Variants in FBXL17 observed in about 807,000 individuals in gnomAD.
FBXL17 encodes the protein F-box/LRR-repeat protein 17.
A neutral mutation model predicts 66.2 loss-of-function variants in FBXL17; 22 were observed. The observed-to-expected ratio is 0.33, with a 90% CI of 0.24 to 0.47. FBXL17 has a LOEUF of 0.47. Among genes scored for constraint, FBXL17 ranks in the 20% least tolerant of loss-of-function variants. The pLI is 1.00. For missense variants in FBXL17, 878 were observed against 948.2 expected, an observed-to-expected ratio of 0.93 and a Z score of 0.97; for synonymous variants, 474 against 400.5, an observed-to-expected ratio of 1.18 and a Z score of -2.19.
At chr5:108,345,172 A>C (rs779796824) in intron 4 of FBXL17, among the ~76,000 whole-genome samples, 2 of 149,740 alleles carry the variant, frequency 1.3e-5, no homozygotes, top group Middle Eastern at 3.2e-3. Flanking sequence ...ATCTCTACTA[A>C]AAATACAAAA....
At chr5:108,170,500 A>T (rs1317142037) in intron 6 of FBXL17, among the ~76,000 whole-genome samples, 2 of 152,154 alleles carry the variant, frequency 1.3e-5, no homozygotes, top group African/African-American at 4.8e-5. Flanking sequence ...CCATTATTAC[A>T]TATATACCAT....
chr5:108,274,241 C>G (rs1757392552), intron 4 of FBXL17, among the ~76,000 whole-genome samples: 1 of 152,188 alleles, frequency 6.6e-6, no homozygotes, highest in Non-Finnish European at 1.5e-5. Context: ...AGACTGGAGT[C>G]TATCTCACCT....
chr5:107,987,790 T>G (rs1277771601), intron 7 of FBXL17, among the ~76,000 whole-genome samples: 1 of 152,048 alleles, frequency 6.6e-6, no homozygotes, highest in African/African-American at 2.4e-5. Flanking sequence ...TTGAATACCC[T>G]TAGGATGGAG....
chr5:108,115,034 A>C (rs1750188425), intron 6 of FBXL17, among the ~76,000 whole-genome samples: 1 of 152,308 alleles, frequency 6.6e-6, no homozygotes, highest in Admixed American at 6.5e-5. Context: ...ATCCCCAAGC[A>C]ATTTTTTAAA....
chr5:107,865,174 A>T (rs1448244724), intron 8 of FBXL17, among the ~76,000 whole-genome samples: 3 of 152,248 alleles, frequency 2.0e-5, no homozygotes, highest in Non-Finnish European at 2.9e-5. Flanking sequence ...TCTATGGTAC[A>T]TCTTTTCCAA....
At chr5:108,037,331 T>G (rs1746885703) in intron 6 of FBXL17, among the ~76,000 whole-genome samples, 1 of 152,164 alleles carries the variant, frequency 6.6e-6, no homozygotes, top group Non-Finnish European at 1.5e-5. Flanking sequence ...TTACTTTCCA[T>G]GAAAATTTCC....
intron 7 of FBXL17, among the ~76,000 whole-genome samples, chr5:107,912,787 A>T (rs1271606403): frequency 3.9e-5 from 6 of 152,196 alleles, no homozygotes; most frequent in African/African-American, 1.4e-4. Context: ...CAATGTATTC[A>T]TATATTATCA....
At chr5:108,240,906 G>A (rs957383145) in intron 4 of FBXL17, among the ~76,000 whole-genome samples, 1 of 152,132 alleles carries the variant, frequency 6.6e-6, no homozygotes, top group Non-Finnish European at 1.5e-5. Flanking sequence ...ATTTGTTTGG[G>A]AGAAAGTTAA....
rs1197466938 is a variant in FBXL17 at position 108,074,308 on chromosome 5, AGAT to A, written c.1746-53310_1746-53308del. Reference sequence around the variant, plus strand: ...CTAAAATCTGATAAGAGATTTGAAAAGATTTTTTTTTTTTTTTTTTTAAGGAGC... The same window carrying A: ...CTAAAATCTGATAAGAGATTTGAAAATTTTTTTTTTTTTTTTTTAAGGAGC... On this transcript the variant is annotated intron_variant, in intron 6 of 8. Coordinates refer to ENST00000542267, the MANE Select transcript of FBXL17 (RefSeq NM_001163315.3). Among the ~76,000 whole-genome samples the A allele has an allele frequency of 6.6e-3, 822 of 124,108 alleles. 6 individuals carry two copies. Among genetic ancestry groups the A allele is most frequent in the African/African-American group, 0.021 (789 of 37,652 alleles). 81.4% of individuals were successfully genotyped at this position (124,108 alleles called of 152,430 possible).
intron 4 of FBXL17, among the ~76,000 whole-genome samples, chr5:108,347,061 A>C (rs190188320): frequency 6.6e-6 from 1 of 152,304 alleles, no homozygotes; most frequent in Admixed American, 6.5e-5. Context: ...AAATACAGAC[A>C]TGCATTGCTT....
intron 4 of FBXL17, among the ~76,000 whole-genome samples, chr5:108,248,383 T>C (rs1756201866): frequency 6.6e-6 from 1 of 151,920 alleles, no homozygotes. Flanking sequence ...AACCTGAAGA[T>C]AGAATAAAAA....
At chr5:107,988,523 G>C (rs1264802301) in intron 7 of FBXL17, among the ~76,000 whole-genome samples, 1 of 151,806 alleles carries the variant, frequency 6.6e-6, no homozygotes, top group Non-Finnish European at 1.5e-5. Flanking sequence ...TAGTATTTTT[G>C]CAAAGGACCA....
rs544705040 is a variant in FBXL17 at position 108,326,870 on chromosome 5, C to A, written c.1506+21529G>T. ...AAATGGAGTTCTCAAACATTGCTAGCAGGAGTAAAAAATGGCACAACCACC... is the reference window on the plus strand; with the variant it reads ...AAATGGAGTTCTCAAACATTGCTAGAAGGAGTAAAAAATGGCACAACCACC... On this transcript the variant is annotated intron_variant, in intron 4 of 8. Coordinates refer to ENST00000542267, the MANE Select transcript of FBXL17 (RefSeq NM_001163315.3). Among the ~76,000 whole-genome samples, 8 of 152,188 alleles carry A rather than the reference C, an allele frequency of 5.3e-5. No individual in the cohort carries two copies. The East Asian group carries it at 1.4e-3, about 26-fold the overall frequency.
At chr5:108,061,279 C>T (rs1468951816) in intron 6 of FBXL17, among the ~76,000 whole-genome samples, 1 of 151,238 alleles carries the variant, frequency 6.6e-6, no homozygotes, top group Non-Finnish European at 1.5e-5. Context: ...AAGAGCCAAA[C>T]CCCATACAAA....
intron 4 of FBXL17, among the ~76,000 whole-genome samples, chr5:108,331,372 T>C (rs773131540): frequency 1.3e-5 from 2 of 152,192 alleles, no homozygotes; most frequent in Admixed American, 6.5e-5. Context: ...AAATATTCTG[T>C]TTGGTTTGAT....
intron 5 of FBXL17, among the ~76,000 whole-genome samples, chr5:108,199,382 G>C (rs1371665147): frequency 1.3e-5 from 2 of 152,008 alleles, no homozygotes; most frequent in African/African-American, 4.8e-5. Flanking sequence ...CTTTACATTT[G>C]CTTCTATAGA....
chr5:108,007,052 T>G (rs1325382970), intron 7 of FBXL17, among the ~76,000 whole-genome samples: 1 of 152,202 alleles, frequency 6.6e-6, no homozygotes, highest in Non-Finnish European at 1.5e-5. Context: ...CAGGGAACGC[T>G]CTTTTTGCCT....
At chr5:108,351,870 G>T (rs1358297900) in intron 3 of FBXL17, among the ~76,000 whole-genome samples, 2 of 152,226 alleles carry the variant, frequency 1.3e-5, no homozygotes, top group African/African-American at 4.8e-5. Flanking sequence ...AGACATCAAT[G>T]TGCATGGACA....
chr5:108,150,634 A>G (rs922796785), intron 6 of FBXL17, among the ~76,000 whole-genome samples: 1 of 152,336 alleles, frequency 6.6e-6, no homozygotes, highest in Middle Eastern at 3.4e-3. Flanking sequence ...AAGAATCTGT[A>G]TCAGTTGTCT....
Sources: allele counts gnomAD v4.1 joint callset (sites outside exome capture counted in the v4.1 genomes callset), GRCh38; gene constraint gnomAD v4.1.1; transcripts MANE v1.5; gene names NCBI Gene and HGNC (gene_info 2026-07-23, HGNC 2026-07-21).